The following SEMA3D variants were observed in gnomAD, a reference collection of about 807,000 sequenced individuals.
SEMA3D encodes semaphorin-3D.
A neutral mutation model predicts 100.1 loss-of-function variants in SEMA3D; 84 were observed. That is an observed-to-expected ratio of 0.84 (90% CI 0.70 to 1.01). The LOEUF (loss-of-function observed/expected upper bound fraction) is 1.01. Ranked by LOEUF, SEMA3D falls within the 50% of genes least tolerant of loss-of-function variation. The pLI is 0.00. For synonymous variants in SEMA3D, 312 were observed against 320.7 expected (o/e 0.97, Z 0.29); for missense variants, 875 against 934.1 (o/e 0.94, Z 0.82).
chr7:85,227,592 T>C, the SEMA3D span, among the ~76,000 whole-genome samples: 1 of 152,168 alleles, frequency 6.6e-6, no homozygotes, highest in Non-Finnish European at 1.5e-5. Context: ...TAGTATTTTG[T>C]TATAGCAGCA....
At chr7:85,112,907 T>C (rs1225425669) in intron 3 of SEMA3D, among the ~76,000 whole-genome samples, 1 of 152,184 alleles carries the variant, frequency 6.6e-6, no homozygotes, top group African/African-American at 2.4e-5. Context: ...TGGTAAATAA[T>C]GATTCCTTAT....
intron 15 of SEMA3D, among the ~76,000 whole-genome samples, chr7:85,016,665 G>T (rs1170884660): frequency 1.3e-5 from 2 of 151,428 alleles, no homozygotes; most frequent in Non-Finnish European, 2.9e-5. Context: ...CTCTACCCCA[G>T]TACCCAGTCT....
chr7:85,170,093 T>C (rs183776514), intron 1 of SEMA3D, among the ~76,000 whole-genome samples: 6 of 151,650 alleles, frequency 4.0e-5, no homozygotes, highest in South Asian at 2.1e-4. Flanking sequence ...AAGAAGGAAT[T>C]CCATTCAGGA....
intron 3 of SEMA3D, among the ~76,000 whole-genome samples, chr7:85,111,832 C>T (rs1642700961): frequency 6.6e-6 from 1 of 152,018 alleles, no homozygotes; most frequent in African/African-American, 2.4e-5. Flanking sequence ...ATTTGTTTAG[C>T]CATACCATCT....
At chr7:85,144,993 T>C (rs1041280127) in intron 2 of SEMA3D, among the ~76,000 whole-genome samples, 1 of 152,144 alleles carries the variant, frequency 6.6e-6, no homozygotes, top group Non-Finnish European at 1.5e-5. Flanking sequence ...TTTAATTTTA[T>C]TTGTTTATAA....
intron 2 of SEMA3D, among the ~76,000 whole-genome samples, chr7:85,127,136 G>A (rs1017477208): frequency 6.6e-6 from 1 of 152,066 alleles, no homozygotes; most frequent in Non-Finnish European, 1.5e-5. Flanking sequence ...TTGATTAAAT[G>A]CTAATCTACT....
At chr7:85,250,081 C>T in the SEMA3D span, among the ~76,000 whole-genome samples, 17 of 152,136 alleles carry the variant, frequency 1.1e-4, no homozygotes, top group Non-Finnish European at 2.2e-4. Context: ...AGGGAGTTCC[C>T]TTTCCTAGTC....
the SEMA3D span, among the ~76,000 whole-genome samples, chr7:85,227,136 A>G: frequency 6.6e-6 from 1 of 152,126 alleles, no homozygotes. Flanking sequence ...ATTCTGCTGG[A>G]AAGTATTTCT....
At chr7:85,225,093 TA>T in the SEMA3D span, among the ~76,000 whole-genome samples, 3 of 15,452 alleles carry the variant, frequency 1.9e-4, no homozygotes, top group South Asian at 3.6e-3. Flanking sequence ...TATATATATA[TA>T]TATATATATA....
At chr7:85,231,725 T>C in the SEMA3D span, among the ~76,000 whole-genome samples, 7,219 of 152,152 alleles carry the variant, frequency 0.047, 564 homozygotes, top group African/African-American at 0.16. Flanking sequence ...GCTGGGATTA[T>C]AGGCGTGAGC....
chr7:85,014,697 G>A (rs896064614), intron 16 of SEMA3D, among the ~76,000 whole-genome samples: 3 of 151,510 alleles, frequency 2.0e-5, no homozygotes, highest in African/African-American at 7.3e-5. Flanking sequence ...GCAAAACAGT[G>A]GGCATCAGTA....
chr7:85,188,453 A>G (rs1009219972), upstream of SEMA3D, among the ~76,000 whole-genome samples: 1 of 152,178 alleles, frequency 6.6e-6, no homozygotes, highest in Admixed American at 6.5e-5. Flanking sequence ...TTAATGTTAT[A>G]CCACTCATTC....
intron 1 of SEMA3D, among the ~76,000 whole-genome samples, chr7:85,172,266 G>A (rs1010476623): frequency 2.0e-5 from 3 of 151,774 alleles, no homozygotes; most frequent in Non-Finnish European, 4.4e-5. Context: ...ATAGGGTTTT[G>A]TAAATTATTA....
At chr7:85,213,582 G>A in the SEMA3D span, among the ~76,000 whole-genome samples, 4 of 151,906 alleles carry the variant, frequency 2.6e-5, no homozygotes, top group Admixed American at 2.6e-4. Flanking sequence ...TCAGTGTGTT[G>A]ATGGTTGTCA....
intron 5 of SEMA3D, among the ~76,000 whole-genome samples, chr7:85,081,199 T>A (rs968817410): frequency 1.3e-5 from 2 of 152,206 alleles, no homozygotes. Context: ...AAATACATGT[T>A]CCTAGAACTA....
the SEMA3D span, among the ~76,000 whole-genome samples, chr7:85,232,988 C>CA: frequency 6.6e-6 from 1 of 152,292 alleles, no homozygotes; most frequent in Admixed American, 6.5e-5. Flanking sequence ...CCTCTAGCAA[C>CA]ATCACACAAT....
Position 85,040,686 on chromosome 7 carries a change from A to G in SEMA3D, c.1033T>C (p.Phe345Leu). The G allele has an allele frequency of 1.4e-6, 2 of 1,467,572 alleles. No individual in the cohort carries two copies. Among genetic ancestry groups the G allele is most frequent in the Non-Finnish European group, 1.9e-6 (2 of 1,049,032 alleles). The allele number at this position is 1,467,572 out of a possible 1,614,324, so 90.9% of individuals were successfully genotyped here. Reference sequence around the variant, plus strand: ...TGTTGAACATACCTGGTTGTAGTAAAGACTCCATATACTACAGGATTTCTT... The same window carrying G: ...TGTTGAACATACCTGGTTGTAGTAAGGACTCCATATACTACAGGATTTCTT... ...DERNPVVYGV[F>L]TTTSSIFKGS... The change falls in exon 11 of 19, where the codon TTT (phenylalanine) becomes CTT (leucine). Residue 345 changes from phenylalanine (F) to leucine (L), a missense_variant. By Grantham distance (22) the Phe-to-Leu change is conservative (BLOSUM62 0). Transcript: ENST00000284136.
At chr7:85,204,387 TA>T in the SEMA3D span, among the ~76,000 whole-genome samples, 6 of 148,386 alleles carry the variant, frequency 4.0e-5, no homozygotes, top group African/African-American at 1.5e-4. Flanking sequence ...CACTTAAAAA[TA>T]GCCTTCCAAT....
chr7:85,160,527 T>A (rs897897028), intron 1 of SEMA3D, among the ~76,000 whole-genome samples: 1 of 152,078 alleles, frequency 6.6e-6, no homozygotes, highest in Non-Finnish European at 1.5e-5. Flanking sequence ...GGCGATGCGG[T>A]TTGCCTGACT....
Sources: allele counts gnomAD v4.1 joint callset (sites outside exome capture counted in the v4.1 genomes callset), GRCh38; gene constraint gnomAD v4.1.1; transcripts MANE v1.5; gene names NCBI Gene and HGNC (gene_info 2026-07-23, HGNC 2026-07-21).